AK9: variants seen among roughly 807,000 people sequenced by gnomAD.
AK9 encodes adenylate kinase 9, also known as adenylate kinase domain containing 1.
Under a neutral mutation model 239.6 loss-of-function variants are expected in AK9, and 191 were observed. That is an observed-to-expected ratio of 0.80 (90% CI 0.71 to 0.90). The LOEUF is 0.90. Among genes scored for constraint, AK9 ranks in the 40% least tolerant of loss-of-function variants. The probability of loss-of-function intolerance (pLI) is 0.00; values close to 1 mark genes in which losing one functional copy is unlikely to be tolerated. For synonymous variants in AK9, 689 were observed against 721.0 expected, an observed-to-expected ratio of 0.96 and a Z score of 0.71; for missense variants, 1,995 against 2,214.7, an observed-to-expected ratio of 0.90 and a Z score of 1.99.
chr6:109,497,623 A>C, intron 37 of AK9, 60 bp from the exon 38 acceptor site: 1 of 1,370,116 alleles, frequency 7.3e-7, no homozygotes, highest in South Asian at 1.3e-5. Flanking sequence ...AGTCCTGTGT[A>C]AATAAAAAGT....
chr6:109,655,296 G>A (rs1799533348), intron 8 of AK9, among the ~76,000 whole-genome samples: 1 of 152,090 alleles, frequency 6.6e-6, no homozygotes, highest in African/African-American at 2.4e-5. Context: ...TTTATTATCA[G>A]TGAAGCTGAA....
At chr6:109,545,031 T>C (rs1562383212) in intron 26 of AK9, among the ~76,000 whole-genome samples, 1 of 152,222 alleles carries the variant, frequency 6.6e-6, no homozygotes, top group South Asian at 2.1e-4. Context: ...TAGCATATGA[T>C]GAATATGACT....
intron 12 of AK9, among the ~76,000 whole-genome samples, chr6:109,630,796 G>T (rs569852855): frequency 6.6e-6 from 1 of 152,126 alleles, no homozygotes; most frequent in South Asian, 2.1e-4. Flanking sequence ...AGTGAACTAT[G>T]ATGGTATCAT....
At chr6:109,584,859 C>A (rs375635078) in intron 19 of AK9, among the ~76,000 whole-genome samples, 5 of 152,026 alleles carry the variant, frequency 3.3e-5, no homozygotes, top group African/African-American at 4.8e-5. Flanking sequence ...TACCCATGCT[C>A]ATTTTTTAAA....
At chr6:109,668,241 T>A (rs979325766) in intron 5 of AK9, among the ~76,000 whole-genome samples, 8 of 151,848 alleles carry the variant, frequency 5.3e-5, no homozygotes, top group African/African-American at 1.7e-4. Flanking sequence ...CACTTTTTGA[T>A]GGGGTTTTTT....
intron 12 of AK9, among the ~76,000 whole-genome samples, chr6:109,621,893 TAAA>T (rs59405869): frequency 2.9e-4 from 16 of 55,528 alleles, no homozygotes; most frequent in Non-Finnish European, 3.9e-4. Context: ...AAAGTATAAT[TAAA>T]AAAAAAAAAA....
intron 1 of AK9, among the ~76,000 whole-genome samples, chr6:109,687,447 A>G (rs1773664861): frequency 6.6e-6 from 1 of 152,154 alleles, no homozygotes; most frequent in African/African-American, 2.4e-5. Flanking sequence ...AATATGCTAC[A>G]TGGTATAAGA....
intron 3 of AK9, among the ~76,000 whole-genome samples, chr6:109,672,555 G>A (rs1020583193): frequency 6.6e-6 from 1 of 152,084 alleles, no homozygotes; most frequent in Admixed American, 6.5e-5. Context: ...TAGTTATGGT[G>A]CATGCCTATA....
intron 24 of AK9, among the ~76,000 whole-genome samples, 195 bp downstream of exon 24, chr6:109,563,402 T>A (rs551058239): frequency 6.6e-6 from 1 of 152,352 alleles, no homozygotes; most frequent in East Asian, 1.9e-4. Flanking sequence ...TTTCCTTTTA[T>A]CTTTTCATGA....
At chr6:109,537,296 G>A (rs1018200248) in intron 27 of AK9, among the ~76,000 whole-genome samples, 7 of 151,860 alleles carry the variant, frequency 4.6e-5, no homozygotes, top group African/African-American at 1.7e-4. Context: ...GTTATTGGGT[G>A]ATTCAGGGAT....
intron 9 of AK9, chr6:109,644,357 T>C (rs1039339611): frequency 1.2e-5 from 4 of 330,168 alleles, no homozygotes; most frequent in East Asian, 5.7e-5. Flanking sequence ...CATCTTCTCA[T>C]GTGCTTTTGG....
intron 29 of AK9, among the ~76,000 whole-genome samples, chr6:109,526,294 G>A (rs1168236331): frequency 2.0e-5 from 3 of 149,420 alleles, no homozygotes; most frequent in Non-Finnish European, 3.0e-5. Flanking sequence ...AATACAAATT[G>A]AAAAAGAAAA....
At chr6:109,622,746 A>ATATC (rs1410320649) in intron 12 of AK9, among the ~76,000 whole-genome samples, 1 of 151,098 alleles carries the variant, frequency 6.6e-6, no homozygotes, top group Non-Finnish European at 1.5e-5. Flanking sequence ...ATATTTTGGT[A>ATATC]TATACATTTT....
At chr6:109,502,498 C>A (rs1179285293) in intron 35 of AK9, among the ~76,000 whole-genome samples, 1 of 152,118 alleles carries the variant, frequency 6.6e-6, no homozygotes, top group Non-Finnish European at 1.5e-5. Flanking sequence ...ATAGATCCTC[C>A]CCTAGAACCT....
intron 32 of AK9, among the ~76,000 whole-genome samples, chr6:109,512,517 T>A (rs965220061): frequency 1.3e-5 from 2 of 152,186 alleles, no homozygotes; most frequent in African/African-American, 4.8e-5. Flanking sequence ...CTGGACCCCT[T>A]TCCTGTAACA....
chr6:109,649,862 G>T (rs1394430761), intron 8 of AK9, among the ~76,000 whole-genome samples: 7 of 152,176 alleles, frequency 4.6e-5, no homozygotes, highest in African/African-American at 1.7e-4. Flanking sequence ...AACCAAAACA[G>T]TGTGGTACTG....
At chr6:109,553,728 C>G (rs913303213) in intron 24 of AK9, among the ~76,000 whole-genome samples, 7 of 152,134 alleles carry the variant, frequency 4.6e-5, no homozygotes, top group Non-Finnish European at 8.8e-5. Context: ...GCCAGAACGT[C>G]CAATACTATG....
intron 8 of AK9, among the ~76,000 whole-genome samples, chr6:109,647,479 A>C (rs1014321834): frequency 2.6e-5 from 4 of 152,198 alleles, no homozygotes; most frequent in Non-Finnish European, 5.9e-5. Context: ...ACAAAGATCA[A>C]AAGAGACAAG....
intron 27 of AK9, among the ~76,000 whole-genome samples, chr6:109,534,275 G>C (rs906204601): frequency 4.0e-5 from 6 of 148,850 alleles, no homozygotes; most frequent in African/African-American, 1.5e-4. Flanking sequence ...GTTAATTAGA[G>C]CACTTATTTT....
Sources: gnomAD v4.1 joint callset for allele counts (sites outside exome capture counted in the v4.1 genomes callset) on GRCh38, gnomAD v4.1.1 for gene constraint, MANE v1.5 for transcripts, NCBI Gene and HGNC (gene_info 2026-07-23, HGNC 2026-07-21) for gene names.